The following EPB41L4A variants were observed in gnomAD, a reference collection of about 807,000 sequenced individuals.
The protein encoded by EPB41L4A is band 4.1-like protein 4A.
In EPB41L4A, 100 loss-of-function variants were observed where a neutral mutation model predicts 108.6. That is an observed-to-expected ratio of 0.92 (90% CI 0.78 to 1.09). The LOEUF (loss-of-function observed/expected upper bound fraction) is 1.09. Ranked by LOEUF, EPB41L4A falls within the 50% of genes least tolerant of loss-of-function variation. The pLI, the probability that EPB41L4A is intolerant of heterozygous loss-of-function variation, is 0.00. For synonymous variants in EPB41L4A, 319 were observed against 289.0 expected, an observed-to-expected ratio of 1.10 and a Z score of -1.05; for missense variants, 1,030 against 842.7, an observed-to-expected ratio of 1.22 and a Z score of -2.75.
chr5:112,387,560 C>T (rs933730318), intron 1 of EPB41L4A, among the ~76,000 whole-genome samples: 21 of 152,274 alleles, frequency 1.4e-4, no homozygotes, highest in Admixed American at 1.1e-3. Flanking sequence ...ACCTGGGAGG[C>T]GGAGCTTGCA....
downstream of EPB41L4A, chr5:112,161,435 T>C: frequency 2.0e-6 from 1 of 490,784 alleles, no homozygotes; most frequent in Non-Finnish European, 4.1e-6. Context: ...TCGGCATTAC[T>C]GTCAGCCAGT....
intron 1 of EPB41L4A, among the ~76,000 whole-genome samples, chr5:112,368,600 C>CA (rs924470652): frequency 1.3e-5 from 2 of 152,082 alleles, no homozygotes; most frequent in Non-Finnish European, 2.9e-5. Flanking sequence ...AGCCCAGGCC[C>CA]AAAACCACTG....
chr5:112,395,425 A>G, intron 1 of EPB41L4A, among the ~76,000 whole-genome samples: 1 of 152,230 alleles, frequency 6.6e-6, no homozygotes, highest in East Asian at 1.9e-4. Context: ...CCCATCAACA[A>G]GTGGGCGAAG....
chr5:112,147,809 C>T (rs943714100), intron 12 of EPB41L4A, among the ~76,000 whole-genome samples: 5 of 151,976 alleles, frequency 3.3e-5, no homozygotes, highest in Non-Finnish European at 5.9e-5. Context: ...CGGTGGCTCA[C>T]GCCTGTAATG....
intron 1 of EPB41L4A, among the ~76,000 whole-genome samples, chr5:112,311,718 C>A (rs896304761): frequency 2.6e-5 from 4 of 152,138 alleles, no homozygotes; most frequent in African/African-American, 9.7e-5. Flanking sequence ...TCTCTTTGAT[C>A]TAAAATTTTA....
At chr5:112,158,881 C>T (rs2112829545), downstream of EPB41L4A, among the ~76,000 whole-genome samples, 1 of 152,306 alleles carries the variant, frequency 6.6e-6, no homozygotes, top group East Asian at 1.9e-4. Context: ...ACAGCCAAAA[C>T]ATGTCACTGA....
At chr5:112,166,996 T>C (rs1760282947) in intron 22 of EPB41L4A, among the ~76,000 whole-genome samples, 1 of 152,142 alleles carries the variant, frequency 6.6e-6, no homozygotes, top group African/African-American at 2.4e-5. Flanking sequence ...GATCAGAAGA[T>C]GCATGTGAGT....
At chr5:112,151,119 A>C (rs531197057) in intron 12 of EPB41L4A, among the ~76,000 whole-genome samples, 2 of 152,304 alleles carry the variant, frequency 1.3e-5, no homozygotes, top group Admixed American at 1.3e-4. Flanking sequence ...ATATTTTCTA[A>C]AGTATATACT....
At chr5:112,166,269 T>C (rs1277625763) in intron 22 of EPB41L4A, among the ~76,000 whole-genome samples, 2 of 152,234 alleles carry the variant, frequency 1.3e-5, no homozygotes, top group African/African-American at 4.8e-5. Flanking sequence ...ACCTTAAAAA[T>C]GTACCTTTCC....
At chr5:112,391,878 C>T (rs572134064) in intron 1 of EPB41L4A, among the ~76,000 whole-genome samples, 13 of 152,260 alleles carry the variant, frequency 8.5e-5, no homozygotes, top group African/African-American at 1.4e-4. Flanking sequence ...GCAGATCTCT[C>T]GGCAGAAACT....
chr5:112,198,539 T>A (rs962571598), intron 15 of EPB41L4A, among the ~76,000 whole-genome samples: 3 of 152,218 alleles, frequency 2.0e-5, no homozygotes, highest in African/African-American at 4.8e-5. Flanking sequence ...CATCCTTCAG[T>A]TCCGGAATAT....
intron 1 of EPB41L4A, among the ~76,000 whole-genome samples, chr5:112,312,758 C>G (rs1755130481): frequency 6.6e-6 from 1 of 152,160 alleles, no homozygotes; most frequent in African/African-American, 2.4e-5. Context: ...ATCAGTATTC[C>G]ATTGTTATGC....
chr5:112,153,251 C>A (rs1293648606), intron 12 of EPB41L4A, among the ~76,000 whole-genome samples: 1 of 142,550 alleles, frequency 7.0e-6, no homozygotes, highest in African/African-American at 2.6e-5. Context: ...AGAGGCCGGG[C>A]ATGGTGTCTC....
chr5:112,210,273 T>C (rs1247921426), intron 12 of EPB41L4A: 1 of 201,900 alleles, frequency 5.0e-6, no homozygotes, highest in Non-Finnish European at 9.8e-6. Flanking sequence ...CTTTAGACTA[T>C]TAAAATGATA....
rs1315648703 is a variant in EPB41L4A, at chr5:112,393,576, C to T, written c.99+25365G>A. Among the ~76,000 whole-genome samples, 4 of 152,204 alleles carry T rather than the reference C, an allele frequency of 2.6e-5. No homozygotes were observed. The East Asian group carries it at 5.8e-4, about 22-fold the overall frequency. The stretch of plus-strand genomic sequence containing the variant: ...AATCCCTGAATAGACCAATAACAGG[C>T]TCTGAAATTGAAGCAATAATTAATA... On this transcript the variant is annotated intron_variant, in intron 1 of 22. Coordinates refer to ENST00000261486, the MANE Select transcript of EPB41L4A (RefSeq NM_022140.5).
chr5:112,359,223 C>T (rs565396704), intron 1 of EPB41L4A, among the ~76,000 whole-genome samples: 1 of 152,300 alleles, frequency 6.6e-6, no homozygotes, highest in South Asian at 2.1e-4. Context: ...TATATGTACA[C>T]ATGTCTTAGA....
At position 112,368,442 on chromosome 5, in the gene EPB41L4A, C is replaced by A. The variant is rs138721996; in HGVS notation, c.99+50499G>T. On this transcript the variant is annotated intron_variant, in intron 1 of 22. Coordinates refer to ENST00000261486, the MANE Select transcript of EPB41L4A (RefSeq NM_022140.5). ...GCCCTTTCATACTAGACAATATATACCTTAGTCACTCAAATCCTTTTAAAA... is the reference window on the plus strand; with the variant it reads ...GCCCTTTCATACTAGACAATATATAACTTAGTCACTCAAATCCTTTTAAAA... Among the ~76,000 whole-genome samples, 354 of 152,244 alleles carry A rather than the reference C, an allele frequency of 2.3e-3. 1 individual carries two copies. Among genetic ancestry groups the A allele is most frequent in the Non-Finnish European group, 4.1e-3 (278 of 68,022 alleles).
At chr5:112,343,237 C>T (rs1757432655) in intron 1 of EPB41L4A, among the ~76,000 whole-genome samples, 1 of 152,112 alleles carries the variant, frequency 6.6e-6, no homozygotes, top group Non-Finnish European at 1.5e-5. Flanking sequence ...TCAAACACAT[C>T]CTAAGAGGCA....
intron 12 of EPB41L4A, among the ~76,000 whole-genome samples, chr5:112,229,457 G>C (rs1321438234): frequency 6.6e-6 from 1 of 151,816 alleles, no homozygotes; most frequent in Non-Finnish European, 1.5e-5. Flanking sequence ...GTGGTTCTTG[G>C]TTACATGAGT....
Sources: allele counts gnomAD v4.1 joint callset (sites outside exome capture counted in the v4.1 genomes callset), GRCh38; gene constraint gnomAD v4.1.1; transcripts MANE v1.5; gene names NCBI Gene and HGNC (gene_info 2026-07-23, HGNC 2026-07-21).